The following MAN1A1 variants were observed in gnomAD, a reference collection of about 807,000 sequenced individuals.
MAN1A1 encodes the protein mannosyl-oligosaccharide 1,2-alpha-mannosidase IA.
A neutral mutation model predicts 70.8 loss-of-function variants in MAN1A1; 29 were observed. The ratio of observed to expected loss-of-function variants is 0.41; its 90% CI spans 0.31 to 0.56. The LOEUF is 0.56. Ranked by LOEUF, MAN1A1 falls within the 20% of genes least tolerant of loss-of-function variation. The probability of loss-of-function intolerance (pLI) is 0.29; values close to 1 mark genes in which losing one functional copy is unlikely to be tolerated. For missense variants in MAN1A1, 747 were observed against 841.3 expected, an observed-to-expected ratio of 0.89 and a Z score of 1.39; for synonymous variants, 349 against 330.1, an observed-to-expected ratio of 1.06 and a Z score of -0.62.
At chr6:119,250,559 A>G (rs920184316) in intron 5 of MAN1A1, among the ~76,000 whole-genome samples, 1 of 152,142 alleles carries the variant, frequency 6.6e-6, no homozygotes, top group Non-Finnish European at 1.5e-5. Context: ...GGTGATAATG[A>G]TAATGGTATT....
At chr6:119,251,385 T>A (rs190887532) in intron 5 of MAN1A1, among the ~76,000 whole-genome samples, 1 of 152,226 alleles carries the variant, frequency 6.6e-6, no homozygotes, top group Admixed American at 6.5e-5. Flanking sequence ...CTTCATGGTC[T>A]TAAGTTCTCA....
At chr6:119,250,648 CTGTG>C (rs71015031) in intron 5 of MAN1A1, among the ~76,000 whole-genome samples, 164 of 148,494 alleles carry the variant, frequency 1.1e-3, no homozygotes, top group Admixed American at 1.7e-3. Context: ...TGTTCTCTCT[CTGTG>C]TGTGTGTGTG....
intron 4 of MAN1A1, among the ~76,000 whole-genome samples, chr6:119,293,002 C>T (rs1057316371): frequency 9.2e-5 from 14 of 151,390 alleles, no homozygotes; most frequent in African/African-American, 3.2e-4. Flanking sequence ...ACCCTCAAAT[C>T]ATATTCCTCT....
At chr6:119,313,846 A>G (rs1772776235) in intron 2 of MAN1A1, among the ~76,000 whole-genome samples, 2 of 152,012 alleles carry the variant, frequency 1.3e-5, no homozygotes, top group African/African-American at 4.8e-5. Flanking sequence ...TTGAAGGGCC[A>G]GACAGGAACA....
At chr6:119,197,324 G>A (rs1044669678) in intron 8 of MAN1A1, among the ~76,000 whole-genome samples, 2 of 151,604 alleles carry the variant, frequency 1.3e-5, no homozygotes, top group Admixed American at 1.3e-4. Flanking sequence ...AAAAAAAAAG[G>A]TAAGGGGCAA....
intron 4 of MAN1A1, among the ~76,000 whole-genome samples, chr6:119,291,110 G>C (rs766298032): frequency 2.0e-5 from 3 of 151,948 alleles, no homozygotes; most frequent in Non-Finnish European, 4.4e-5. Context: ...TTGTGGGATG[G>C]ACCCGGTGGG....
chr6:119,315,705 G>A (rs915181998), intron 2 of MAN1A1, among the ~76,000 whole-genome samples: 4 of 152,184 alleles, frequency 2.6e-5, no homozygotes, highest in African/African-American at 7.2e-5. Flanking sequence ...TCAGAAAAGG[G>A]CTTATTCATA....
At chr6:119,342,341 T>A (rs1426609424) in intron 2 of MAN1A1, among the ~76,000 whole-genome samples, 1 of 152,206 alleles carries the variant, frequency 6.6e-6, no homozygotes, top group Admixed American at 6.5e-5. Flanking sequence ...TATGGATCAA[T>A]GCAATCTTGG....
At chr6:119,245,157 AAG>A (rs1164573096) in intron 6 of MAN1A1, among the ~76,000 whole-genome samples, 1 of 152,170 alleles carries the variant, frequency 6.6e-6, no homozygotes, top group Non-Finnish European at 1.5e-5. Context: ...AATTCTTGCC[AAG>A]AGTTTCAAAG....
chr6:119,299,819 T>C (rs1772337513), intron 4 of MAN1A1, among the ~76,000 whole-genome samples: 2 of 152,186 alleles, frequency 1.3e-5, no homozygotes, highest in South Asian at 4.1e-4. Context: ...TGCCTTCTGT[T>C]ACAGTAACAT....
intron 2 of MAN1A1, among the ~76,000 whole-genome samples, chr6:119,307,845 A>G (rs1030203823): frequency 2.6e-5 from 4 of 152,228 alleles, no homozygotes; most frequent in Non-Finnish European, 5.9e-5. Context: ...TCCATATTTT[A>G]GAGTATCTTA....
chr6:119,349,024 C>CG lies in MAN1A1; in HGVS notation c.41dup (p.Gly16ArgfsTer149), dbSNP rs1325895224. The CG allele has an allele frequency of 7.4e-7, 1 of 1,360,376 alleles. No homozygotes were observed. The highest frequency in any genetic ancestry group is 9.5e-7 in the Non-Finnish European group (1 of 1,052,810). The allele number at this position is 1,360,376 out of a possible 1,614,324, so 84.3% of individuals were successfully genotyped here. A position where few individuals can be genotyped will look rare whatever the true frequency, so the allele number is the denominator to read the frequency against. ...CGAGCCCCCCGCCCAGGACGCCGCC[C>CG]GCGGGGCTGCTGAAGAGCGGCAACA... On this transcript the variant is annotated frameshift_variant, in exon 2 of 13. Coordinates refer to ENST00000368468, the MANE Select transcript of MAN1A1 (RefSeq NM_005907.4). LOFTEE classifies it high-confidence loss of function.
chr6:119,220,428 T>C, intron 6 of MAN1A1, among the ~76,000 whole-genome samples: 1 of 152,228 alleles, frequency 6.6e-6, no homozygotes. Context: ...TTAAGTTTCC[T>C]TCTCTTTAGA....
At chr6:119,342,995 T>A (rs950951418) in intron 2 of MAN1A1, among the ~76,000 whole-genome samples, 2 of 152,138 alleles carry the variant, frequency 1.3e-5, no homozygotes, top group Admixed American at 1.3e-4. Context: ...CTTGGAGAGA[T>A]CTTTATAAAG....
chr6:119,213,557 CTTTAT>C (rs1179614651), intron 6 of MAN1A1, among the ~76,000 whole-genome samples: 1 of 152,132 alleles, frequency 6.6e-6, no homozygotes. Flanking sequence ...TTAGAAACAC[CTTTAT>C]ATAAAATATA....
chr6:119,217,042 A>C (rs1217887441), intron 6 of MAN1A1, among the ~76,000 whole-genome samples: 1 of 152,210 alleles, frequency 6.6e-6, no homozygotes, highest in Non-Finnish European at 1.5e-5. Flanking sequence ...TCTAATTCCA[A>C]GTCATAAAGT....
At chr6:119,324,313 G>A (rs1183371367) in intron 2 of MAN1A1, among the ~76,000 whole-genome samples, 1 of 152,086 alleles carries the variant, frequency 6.6e-6, no homozygotes, top group Non-Finnish European at 1.5e-5. Context: ...TAATAATACA[G>A]TATATCATAC....
At chr6:119,311,646 A>G (rs1421800385) in intron 2 of MAN1A1, among the ~76,000 whole-genome samples, 1 of 152,166 alleles carries the variant, frequency 6.6e-6, no homozygotes, top group Non-Finnish European at 1.5e-5. Context: ...GAGGGCATCC[A>G]GAGGCTTAGG....
chr6:119,260,499 C>A (rs1652339413), intron 5 of MAN1A1, among the ~76,000 whole-genome samples: 1 of 152,154 alleles, frequency 6.6e-6, no homozygotes, highest in Non-Finnish European at 1.5e-5. Context: ...AGTGCAATTT[C>A]TGGTCAGCAT....
Sources: gnomAD v4.1 joint callset for allele counts (sites outside exome capture counted in the v4.1 genomes callset) on GRCh38, gnomAD v4.1.1 for gene constraint, MANE v1.5 for transcripts, NCBI Gene and HGNC (gene_info 2026-07-23, HGNC 2026-07-21) for gene names.